The following CADPS2 variants were observed in gnomAD, a reference collection of about 807,000 sequenced individuals.
The protein encoded by CADPS2 is calcium-dependent secretion activator 2.
CADPS2 carries 93 observed loss-of-function variants against 172.5 expected under a neutral mutation model. The ratio of observed to expected loss-of-function variants is 0.54; its 90% CI spans 0.46 to 0.64. The LOEUF (loss-of-function observed/expected upper bound fraction) is 0.64. CADPS2 is among the 30% of genes least tolerant of loss of function. The pLI is 0.00. For synonymous variants in CADPS2, 546 were observed against 555.2 expected (o/e 0.98, Z 0.23); for missense variants, 1,420 against 1,565.9 (o/e 0.91, Z 1.57).
intron 14 of CADPS2, among the ~76,000 whole-genome samples, chr7:122,458,718 G>T (rs912990856): frequency 1.3e-5 from 2 of 152,062 alleles, no homozygotes; most frequent in Admixed American, 6.6e-5. Flanking sequence ...TTGTGTTAGG[G>T]TGCTGGTGAA....
rs2066752836 is a variant in CADPS2 at position 122,568,439 on chromosome 7, G to C, written c.1335+12740C>G. Among the ~76,000 whole-genome samples, 2 of 151,998 alleles carry C rather than the reference G, an allele frequency of 1.3e-5. 1 individual carries two copies. ...ATTCATAAAACATGAGGCAAAAAAA[G>C]ATAAAACAAATACAAAACTATAGCA... On this transcript the variant is annotated intron_variant, in intron 7 of 29. Transcript: ENST00000449022.
rs73717689 is a variant in CADPS2, at chr7:122,573,872, G to A, written c.1335+7307C>T. Among the ~76,000 whole-genome samples, 1,178 of 152,140 alleles carry A rather than the reference G, an allele frequency of 7.7e-3. 14 individuals are homozygous for A. Among genetic ancestry groups the A allele is most frequent in the African/African-American group, 0.027 (1,138 of 41,528 alleles). The stretch of plus-strand genomic sequence containing the variant: ...TTGATTTCTGAAAAATCTCTGCAAT[G>A]ACTGAACCTGCAATTTCTTCAAATG... On this transcript the variant is annotated intron_variant, in intron 7 of 29. Transcript: ENST00000449022.
intron 20 of CADPS2, among the ~76,000 whole-genome samples, chr7:122,399,660 C>CTTTTTTGTTTTT (rs2045649129): frequency 2.0e-5 from 1 of 51,210 alleles, no homozygotes; most frequent in Non-Finnish European, 3.7e-5. Flanking sequence ...GGGTGGGTTT[C>CTTTTTTGTTTTT]TTTTTTTTTT....
At chr7:122,738,620 A>G (rs1043058653) in intron 1 of CADPS2, among the ~76,000 whole-genome samples, 1 of 152,158 alleles carries the variant, frequency 6.6e-6, no homozygotes, top group East Asian at 1.9e-4. Flanking sequence ...AGGATTAGGA[A>G]GACTAAACAA....
At chr7:122,719,925 T>C (rs1489360235) in intron 2 of CADPS2, among the ~76,000 whole-genome samples, 1 of 152,006 alleles carries the variant, frequency 6.6e-6, no homozygotes, top group Non-Finnish European at 1.5e-5. Context: ...ACATAGAAAA[T>C]ACAAGCTCAT....
At chr7:122,777,435 T>C (rs1394778632) in intron 1 of CADPS2, among the ~76,000 whole-genome samples, 3 of 152,158 alleles carry the variant, frequency 2.0e-5, no homozygotes, top group Admixed American at 2.0e-4. Context: ...TGCTTACATA[T>C]TGGCCAGAAC....
chr7:122,433,425 TG>T (rs2050226421), intron 17 of CADPS2, among the ~76,000 whole-genome samples: 1 of 146,412 alleles, frequency 6.8e-6, no homozygotes, highest in Non-Finnish European at 1.5e-5. Context: ...TTTTTTGAGA[TG>T]GAGTTTTGCT....
chr7:122,651,635 A>C (rs2079155215), intron 3 of CADPS2, among the ~76,000 whole-genome samples: 1 of 152,110 alleles, frequency 6.6e-6, no homozygotes, highest in African/African-American at 2.4e-5. Context: ...GAAGAATTTG[A>C]GTGGGAGGAG....
chr7:122,722,032 G>A (rs1451203853), intron 2 of CADPS2, among the ~76,000 whole-genome samples: 2 of 152,024 alleles, frequency 1.3e-5, no homozygotes, highest in East Asian at 3.9e-4. Flanking sequence ...GGTATCGATG[G>A]GACATATCTC....
chr7:122,599,121 C>T (rs9918663), intron 6 of CADPS2, among the ~76,000 whole-genome samples: 8,458 of 152,112 alleles, frequency 0.056, 269 homozygotes, highest in South Asian at 0.1. Context: ...GGGACCTGCT[C>T]CTAGTAGGGA....
At chr7:122,698,192 T>C in intron 2 of CADPS2, 1 of 1,613,960 alleles carries the variant, frequency 6.2e-7, no homozygotes, top group Non-Finnish European at 8.5e-7. Context: ...TCCCCCTCTT[T>C]TACTACTCGA....
chr7:122,847,728 T>C lies in CADPS2; in HGVS notation c.339+38271A>G, dbSNP rs140078811. The stretch of plus-strand genomic sequence containing the variant: ...TTTCTAGAACATTGTGAAGATTCAG[T>C]GCAAACCCACATAGTCTTACTGGTT... On this transcript the variant is annotated intron_variant, in intron 1 of 29. Transcript: ENST00000449022. Among the ~76,000 whole-genome samples the C allele has an allele frequency of 9.2e-5, 14 of 152,328 alleles. No individual in the cohort carries two copies. In the East Asian group the frequency reaches 2.5e-3, roughly 27 times the overall value.
intron 2 of CADPS2, among the ~76,000 whole-genome samples, chr7:122,713,219 T>C (rs768902534): frequency 1.3e-5 from 2 of 152,050 alleles, no homozygotes; most frequent in Non-Finnish European, 2.9e-5. Flanking sequence ...TTTCACAGTC[T>C]TAAGTCTCGT....
chr7:122,713,935 T>G (rs550156865), intron 2 of CADPS2, among the ~76,000 whole-genome samples: 1 of 152,224 alleles, frequency 6.6e-6, no homozygotes, highest in South Asian at 2.1e-4. Flanking sequence ...GTAAAGCTTT[T>G]CATTAGCTCT....
At chr7:122,537,035 G>C (rs1483630374) in intron 8 of CADPS2, among the ~76,000 whole-genome samples, 1 of 151,976 alleles carries the variant, frequency 6.6e-6, no homozygotes, top group Non-Finnish European at 1.5e-5. Context: ...TGGAGGATGG[G>C]AGGAGGGAAG....
intron 1 of CADPS2, among the ~76,000 whole-genome samples, chr7:122,763,894 A>G (rs1407346221): frequency 6.6e-6 from 1 of 152,166 alleles, no homozygotes; most frequent in African/African-American, 2.4e-5. Flanking sequence ...ACACTATTTT[A>G]TATGACATGG....
intron 14 of CADPS2, among the ~76,000 whole-genome samples, chr7:122,456,713 C>T (rs1358302130): frequency 6.6e-6 from 1 of 152,186 alleles, no homozygotes; most frequent in African/African-American, 2.4e-5. Context: ...GTGGGTCACA[C>T]TCTGTTTTCA....
chr7:122,713,001 A>T (rs2089002808), intron 2 of CADPS2, among the ~76,000 whole-genome samples: 1 of 152,042 alleles, frequency 6.6e-6, no homozygotes, highest in East Asian at 1.9e-4. Flanking sequence ...AGGTTACGGC[A>T]CACACAAAAA....
intron 1 of CADPS2, among the ~76,000 whole-genome samples, chr7:122,737,644 A>G (rs533348890): frequency 1.8e-4 from 27 of 152,296 alleles, no homozygotes; most frequent in Admixed American, 2.6e-4. Flanking sequence ...TTTCTACCCC[A>G]AGTTTCTATC....
Sources: gnomAD v4.1 joint callset for allele counts (sites outside exome capture counted in the v4.1 genomes callset) on GRCh38, gnomAD v4.1.1 for gene constraint, MANE v1.5 for transcripts, NCBI Gene and HGNC (gene_info 2026-07-23, HGNC 2026-07-21) for gene names.